The following DSCAM variants were observed in gnomAD, a reference collection of about 807,000 sequenced individuals.
DSCAM encodes cell adhesion molecule DSCAM.
DSCAM carries 47 observed loss-of-function variants against 217.7 expected under a neutral mutation model. The ratio of observed to expected loss-of-function variants is 0.22; its 90% CI spans 0.17 to 0.28. DSCAM has a LOEUF of 0.28. Among genes scored for constraint, DSCAM ranks in the 10% least tolerant of loss-of-function variants. The pLI, the probability that DSCAM is intolerant of heterozygous loss-of-function variation, is 1.00. For synonymous variants in DSCAM, 1,056 were observed against 1,015.3 expected (o/e 1.04, Z -0.76); for missense variants, 2,080 against 2,618.3 (o/e 0.79, Z 4.49).
chr21:40,604,498 TGA>T, intron 3 of DSCAM, among the ~76,000 whole-genome samples: 1 of 152,354 alleles, frequency 6.6e-6, no homozygotes, highest in South Asian at 2.1e-4. Context: ...CATTATTTGT[TGA>T]GAGTCAGACA....
rs747745005 is a variant in DSCAM, at chr21:40,089,189, C to T, written c.3851-1902G>A. On this transcript the variant is annotated intron_variant, in intron 21 of 32. Coordinates refer to ENST00000400454, the MANE Select transcript of DSCAM (RefSeq NM_001389.5). ...CAATGCCCATTTTGCCCATTTTAGACGGCTGAAATTTAAAGGGTCTCTAGC... is the reference window on the plus strand; with the variant it reads ...CAATGCCCATTTTGCCCATTTTAGATGGCTGAAATTTAAAGGGTCTCTAGC... Among the ~76,000 whole-genome samples, 14 of 152,280 alleles carry T rather than the reference C, an allele frequency of 9.2e-5. No individual in the cohort carries two copies. The East Asian group carries it at 2.3e-3, about 25-fold the overall frequency.
chr21:40,170,778 T>A (rs761685209), intron 15 of DSCAM, among the ~76,000 whole-genome samples: 1 of 152,242 alleles, frequency 6.6e-6, no homozygotes. Flanking sequence ...GTTACTTTAA[T>A]TTAGTTACAC....
At position 40,161,681 on chromosome 21, in the gene DSCAM, G is replaced by C. The variant is rs76239495; in HGVS notation, c.3018+5537C>G. On this transcript the variant is annotated intron_variant, in intron 16 of 32. Transcript: ENST00000400454. The stretch of plus-strand genomic sequence containing the variant: ...GTTATCAAGGAAGGAGGTTAGACTC[G>C]TTAATATGAGAAGGGCTAAAAATTC... Among the ~76,000 whole-genome samples the C allele has an allele frequency of 2.1e-3, 314 of 152,208 alleles. 2 individuals are homozygous for C. Among genetic ancestry groups the C allele is most frequent in the African/African-American group, 7.1e-3 (295 of 41,528 alleles).
chr21:40,298,464 T>C (rs981700337), intron 9 of DSCAM, among the ~76,000 whole-genome samples: 2 of 152,186 alleles, frequency 1.3e-5, no homozygotes, highest in African/African-American at 4.8e-5. Flanking sequence ...AGATATTGCT[T>C]AAGTGATAAG....
At chr21:40,472,786 T>G (rs1292478454) in intron 3 of DSCAM, among the ~76,000 whole-genome samples, 2 of 152,176 alleles carry the variant, frequency 1.3e-5, no homozygotes, top group African/African-American at 2.4e-5. Context: ...ATCTGAGGTG[T>G]GTCACATTCC....
At chr21:40,483,284 A>T (rs2075997666) in intron 3 of DSCAM, among the ~76,000 whole-genome samples, 1 of 152,214 alleles carries the variant, frequency 6.6e-6, no homozygotes, top group Admixed American at 6.5e-5. Context: ...TTTTACTTTC[A>T]TTTCATGTCG....
At chr21:40,037,705 C>A (rs997094626) in intron 32 of DSCAM, among the ~76,000 whole-genome samples, 3 of 147,994 alleles carry the variant, frequency 2.0e-5, no homozygotes, top group African/African-American at 7.6e-5. Flanking sequence ...GCCCGCATTG[C>A]CAAGGCAATC....
chr21:40,843,622 G>A (rs1401204376), intron 1 of DSCAM, among the ~76,000 whole-genome samples: 1 of 152,104 alleles, frequency 6.6e-6, no homozygotes, highest in African/African-American at 2.4e-5. Context: ...GTGGGTGAGT[G>A]TCTGCACATA....
intron 11 of DSCAM, among the ~76,000 whole-genome samples, chr21:40,255,215 T>C (rs2073354768): frequency 6.6e-6 from 1 of 152,192 alleles, no homozygotes; most frequent in Admixed American, 6.5e-5. Flanking sequence ...GTGCTGGGTG[T>C]TCTGTGCCAG....
intron 27 of DSCAM, among the ~76,000 whole-genome samples, chr21:40,064,596 G>A (rs570112534): frequency 1.9e-4 from 29 of 152,250 alleles, no homozygotes; most frequent in Non-Finnish European, 2.8e-4. Flanking sequence ...AGGGTTGACC[G>A]TTTGGGTCAA....
chr21:40,046,506 C>T (rs1260181722), intron 30 of DSCAM, among the ~76,000 whole-genome samples: 2 of 152,086 alleles, frequency 1.3e-5, no homozygotes, highest in Non-Finnish European at 2.9e-5. Context: ...GGTTTCTTCA[C>T]CGAAATGCTA....
At chr21:40,083,761 T>C (rs2146568431) in intron 24 of DSCAM, 147 bp downstream of exon 24, 1 of 490,248 alleles carries the variant, frequency 2.0e-6, no homozygotes, top group East Asian at 3.5e-5. Context: ...ATGGTTTCTT[T>C]CTTAGGTAAT....
chr21:40,806,849 C>T (rs2091792338), intron 1 of DSCAM, among the ~76,000 whole-genome samples: 1 of 152,128 alleles, frequency 6.6e-6, no homozygotes, highest in East Asian at 1.9e-4. Context: ...TCTCAGTAAA[C>T]TAACACAAGA....
At chr21:40,104,286 TTAA>T (rs2089790880) in intron 20 of DSCAM, among the ~76,000 whole-genome samples, 2 of 152,270 alleles carry the variant, frequency 1.3e-5, no homozygotes, top group Admixed American at 1.3e-4. Flanking sequence ...ATACAAGAAA[TTAA>T]TGAGAAACAC....
chr21:40,680,142 T>C (rs1372432879), intron 3 of DSCAM, among the ~76,000 whole-genome samples: 1 of 152,238 alleles, frequency 6.6e-6, no homozygotes, highest in Non-Finnish European at 1.5e-5. Context: ...ATTTCCATTT[T>C]ACAGTTGAGG....
At chr21:40,136,188 G>A (rs1473031865) in intron 18 of DSCAM, among the ~76,000 whole-genome samples, 1 of 152,234 alleles carries the variant, frequency 6.6e-6, no homozygotes, top group African/African-American at 2.4e-5. Context: ...GTGGTCACCA[G>A]GTAGTCAAAA....
Position 40,087,271 on chromosome 21 carries a change from C to T in DSCAM, c.3867G>A (p.Leu1289=). The part of the protein sequence containing the change: ...EPLAKAPARI[L]TFSGTVTTPW... The stretch of plus-strand genomic sequence containing the variant: ...GAGTAGTCACTGTCCCACTGAAGGT[C>T]AGGATTCGTGCAGGAGCTGAGGAAC... Residue 1289 remains leucine, a synonymous_variant, in exon 22 of 33, where the codon CTG becomes CTA. Coordinates refer to ENST00000400454, the MANE Select transcript of DSCAM (RefSeq NM_001389.5). The T allele has an allele frequency of 2.5e-6, 4 of 1,614,074 alleles. No homozygotes were observed. The highest frequency in any genetic ancestry group is 3.4e-6 in the Non-Finnish European group (4 of 1,179,952).
chr21:40,060,725 C>T (rs1404051391), intron 28 of DSCAM, among the ~76,000 whole-genome samples: 1 of 152,164 alleles, frequency 6.6e-6, no homozygotes, highest in African/African-American at 2.4e-5. Context: ...TGTGAAATCT[C>T]CTCATTTTAA....
At chr21:40,361,508 A>G (rs1455932993) in intron 4 of DSCAM, among the ~76,000 whole-genome samples, 2 of 152,110 alleles carry the variant, frequency 1.3e-5, no homozygotes, top group Admixed American at 6.6e-5. Context: ...AGTCCCAGCT[A>G]CTCAGGAGGC....
Sources: allele counts gnomAD v4.1 joint callset (sites outside exome capture counted in the v4.1 genomes callset), GRCh38; gene constraint gnomAD v4.1.1; transcripts MANE v1.5; gene names NCBI Gene and HGNC (gene_info 2026-07-23, HGNC 2026-07-21).